NRG1: variants seen among roughly 807,000 people sequenced by gnomAD.
NRG1 encodes pro-neuregulin-1, membrane-bound isoform.
NRG1 carries 18 observed loss-of-function variants against 63.8 expected under a neutral mutation model. The ratio of observed to expected loss-of-function variants is 0.28; its 90% CI spans 0.19 to 0.42. The LOEUF is 0.42. Among genes scored for constraint, NRG1 ranks in the 10% least tolerant of loss-of-function variants. NRG1 has a pLI of 1.00. For synonymous variants in NRG1, 302 were observed against 301.3 expected (o/e 1.00, Z -0.02); for missense variants, 762 against 814.7 (o/e 0.94, Z 0.79).
intron 1 of NRG1, among the ~76,000 whole-genome samples, chr8:31,950,214 T>C (rs1230590151): frequency 1.3e-5 from 2 of 152,160 alleles, no homozygotes; most frequent in South Asian, 2.1e-4. Context: ...ATTTAAAAGA[T>C]AAGTGTGTCC....
chr8:32,150,962 A>G (rs1201578937), intron 1 of NRG1, among the ~76,000 whole-genome samples: 1 of 152,144 alleles, frequency 6.6e-6, no homozygotes, highest in Non-Finnish European at 1.5e-5. Flanking sequence ...AGAAGGTAAG[A>G]TATGTTGTGT....
intron 1 of NRG1, among the ~76,000 whole-genome samples, chr8:31,823,978 T>G (rs1207986567): frequency 6.6e-6 from 1 of 152,188 alleles, no homozygotes; most frequent in Admixed American, 6.5e-5. Flanking sequence ...ATGTCTGTGA[T>G]TGTAAGCTTT....
chr8:31,941,619 G>C (rs1035613835), intron 1 of NRG1, among the ~76,000 whole-genome samples: 7 of 152,060 alleles, frequency 4.6e-5, no homozygotes, highest in Non-Finnish European at 7.4e-5. Flanking sequence ...GTTTGCAGAT[G>C]ATATGATGGT....
chr8:32,747,554 G>A (rs916714873), intron 7 of NRG1, among the ~76,000 whole-genome samples: 4 of 151,942 alleles, frequency 2.6e-5, no homozygotes, highest in African/African-American at 9.7e-5. Context: ...TGTGAATATT[G>A]TGCAACCAAG....
chr8:32,412,102 T>C (rs908709703), intron 1 of NRG1, among the ~76,000 whole-genome samples: 4 of 152,074 alleles, frequency 2.6e-5, no homozygotes, highest in Non-Finnish European at 5.9e-5. Flanking sequence ...AAGACCGGAA[T>C]AGAACAAAAA....
intron 1 of NRG1, among the ~76,000 whole-genome samples, chr8:31,832,497 A>G (rs1289790629): frequency 1.3e-5 from 2 of 152,100 alleles, no homozygotes; most frequent in Non-Finnish European, 2.9e-5. Context: ...GGACTCAAGC[A>G]GTCTGCCCAC....
At chr8:31,698,723 T>G (rs114714235) in intron 1 of NRG1, among the ~76,000 whole-genome samples, 1 of 152,194 alleles carries the variant, frequency 6.6e-6, no homozygotes, top group South Asian at 2.1e-4. Context: ...CTCCAAAAAT[T>G]TGGCTTCTTT....
At chr8:31,790,072 G>T (rs1035167655) in intron 1 of NRG1, among the ~76,000 whole-genome samples, 1 of 152,186 alleles carries the variant, frequency 6.6e-6, no homozygotes, top group African/African-American at 2.4e-5. Flanking sequence ...CTTGTGTTAG[G>T]TGAGGTCTTA....
In NRG1 at chr8:32,756,443, C is replaced by T. The variant is rs368296748; in HGVS notation, c.835C>T (p.Leu279Phe). Residue 279 changes from leucine (L) to phenylalanine (F), a missense_variant, in exon 9 of 12, where the codon CTT becomes TTT. Around this residue, in one of 3 missense-constraint regions of NRG1, gnomAD observed 503 missense variants for 506.8 expected, o/e 0.99. Transcript: ENST00000356819. ...GCTGCATGACCGTCTTCGGCAGAGCCTTCGGTCTGAACGAAACAATATGAT... is the reference window on the plus strand; with the variant it reads ...GCTGCATGACCGTCTTCGGCAGAGCTTTCGGTCTGAACGAAACAATATGAT... 5 of 1,613,708 alleles carry T rather than the reference C, an allele frequency of 3.1e-6. No individual in the cohort carries two copies. In the African/African-American group the frequency reaches 5.3e-5, roughly 17 times the overall value.
intron 1 of NRG1, among the ~76,000 whole-genome samples, chr8:32,148,068 C>T (rs954418808): frequency 2.6e-5 from 4 of 151,778 alleles, no homozygotes; most frequent in Non-Finnish European, 4.4e-5. Context: ...TTATTATGTG[C>T]AATAATAATA....
chr8:32,070,961 G>C (rs553309163), intron 1 of NRG1, among the ~76,000 whole-genome samples: 96 of 152,228 alleles, frequency 6.3e-4, no homozygotes, highest in African/African-American at 2.2e-3. Context: ...CGTGTTCTCA[G>C]TTTCCAGCAC....
At chr8:31,888,296 T>C (rs1338906336) in intron 1 of NRG1, among the ~76,000 whole-genome samples, 1 of 152,122 alleles carries the variant, frequency 6.6e-6, no homozygotes, top group African/African-American at 2.4e-5. Context: ...TACTGGATGA[T>C]ATTTGTAATG....
chr8:32,424,357 C>G (rs1359006454), intron 1 of NRG1, among the ~76,000 whole-genome samples: 1 of 152,100 alleles, frequency 6.6e-6, no homozygotes, highest in Non-Finnish European at 1.5e-5. Context: ...TTCACTATGG[C>G]TTCTCAGAGC....
At chr8:32,005,471 C>T (rs1013002807) in intron 1 of NRG1, among the ~76,000 whole-genome samples, 2 of 151,662 alleles carry the variant, frequency 1.3e-5, no homozygotes, top group Non-Finnish European at 2.9e-5. Context: ...AGGTGGAAAA[C>T]AAAAAGGGCA....
At chr8:31,659,759 C>G (rs1182366471) in intron 1 of NRG1, among the ~76,000 whole-genome samples, 1 of 152,178 alleles carries the variant, frequency 6.6e-6, no homozygotes, top group African/African-American at 2.4e-5. Flanking sequence ...TCTGTGGAAC[C>G]AGGCTGAGAG....
At chr8:31,776,264 A>G (rs1460852943) in intron 1 of NRG1, among the ~76,000 whole-genome samples, 2 of 152,210 alleles carry the variant, frequency 1.3e-5, no homozygotes, top group Non-Finnish European at 2.9e-5. Flanking sequence ...GTTAAATTGA[A>G]AAACAGATGT....
At chr8:32,588,015 C>T (rs1312916612) in intron 1 of NRG1, among the ~76,000 whole-genome samples, 1 of 152,078 alleles carries the variant, frequency 6.6e-6, no homozygotes, top group Non-Finnish European at 1.5e-5. Context: ...TCTGCCTCCC[C>T]AGTTCAAATG....
At chr8:31,715,179 A>G (rs1463236696) in intron 1 of NRG1, among the ~76,000 whole-genome samples, 1 of 152,178 alleles carries the variant, frequency 6.6e-6, no homozygotes, top group Non-Finnish European at 1.5e-5. Context: ...TTGTAAATAT[A>G]TGTTGTATTT....
chr8:32,486,080 C>T (rs116361451), intron 1 of NRG1, among the ~76,000 whole-genome samples: 8 of 151,910 alleles, frequency 5.3e-5, no homozygotes, highest in South Asian at 2.1e-4. Flanking sequence ...GGCGCTCCCC[C>T]CCTCCCCATG....
Sources: gnomAD v4.1 joint callset for allele counts (sites outside exome capture counted in the v4.1 genomes callset) on GRCh38, gnomAD v4.1.1 for gene constraint, gnomAD v4.1.1 regional missense constraint, MANE v1.5 for transcripts, NCBI Gene and HGNC (gene_info 2026-07-23, HGNC 2026-07-21) for gene names.